NDUFAF6: variants seen among roughly 807,000 people sequenced by gnomAD.
NDUFAF6 encodes NADH:ubiquinone oxidoreductase complex assembly factor 6.
A neutral mutation model predicts 40.8 loss-of-function variants in NDUFAF6; 45 were observed. That is an observed-to-expected ratio of 1.10 (90% CI 0.87 to 1.42). The LOEUF (loss-of-function observed/expected upper bound fraction) is 1.42, where lower values mean the gene tolerates loss of function less well. Ranked by LOEUF, NDUFAF6 falls within the 40% of genes most tolerant of loss-of-function variation. The probability of loss-of-function intolerance (pLI) is 0.00; values close to 1 mark genes in which losing one functional copy is unlikely to be tolerated. For missense variants in NDUFAF6, 435 were observed against 418.5 expected, an observed-to-expected ratio of 1.04 and a Z score of -0.34; for synonymous variants, 185 against 155.9, an observed-to-expected ratio of 1.19 and a Z score of -1.39.
At chr8:94,976,412 G>T (rs1039767310) in intron 1 of NDUFAF6, among the ~76,000 whole-genome samples, 1 of 148,164 alleles carries the variant, frequency 6.7e-6, no homozygotes, top group Non-Finnish European at 1.5e-5. Context: ...GCTGAGTTAC[G>T]AGAATCACTT....
At chr8:94,963,634 A>G (rs1163800740) in intron 1 of NDUFAF6, among the ~76,000 whole-genome samples, 1 of 152,228 alleles carries the variant, frequency 6.6e-6, no homozygotes, top group African/African-American at 2.4e-5. Context: ...ACATCTAACT[A>G]GGTAATAGAG....
rs11294663 is a variant in NDUFAF6, at chr8:94,912,812, C to CA, written c.-936+16902dup. On this transcript the variant is annotated intron_variant, in intron 1 of 14. Transcript: ENST00000396113. ...TGGGCGACAGAGCAAGACTCCGTCT[C>CA]AAAAAAAAAAAAAAAAATTAGCTGG... Among the ~76,000 whole-genome samples, 551 of 118,102 alleles carry CA rather than the reference C, an allele frequency of 4.7e-3. 2 individuals are homozygous for CA. Among genetic ancestry groups the CA allele is most frequent in the African/African-American group, 0.016 (480 of 30,810 alleles). 77.5% of individuals were successfully genotyped at this position (118,102 alleles called of 152,430 possible).
chr8:95,063,962 C>T (rs931337153), intron 9 of NDUFAF6, among the ~76,000 whole-genome samples: 17 of 151,446 alleles, frequency 1.1e-4, no homozygotes, highest in African/African-American at 3.9e-4. Flanking sequence ...AGCTCTGCCT[C>T]CAGGGTTCAC....
chr8:94,971,922 GA>G (rs1824498002), intron 1 of NDUFAF6, among the ~76,000 whole-genome samples: 2 of 149,868 alleles, frequency 1.3e-5, no homozygotes, highest in African/African-American at 4.9e-5. Flanking sequence ...TGGGCAACAA[GA>G]GCGGAAAAAA....
chr8:95,105,066 CAG>C (rs55705930), downstream of NDUFAF6, among the ~76,000 whole-genome samples: 7,323 of 72,322 alleles, frequency 0.1, 313 homozygotes, highest in Non-Finnish European at 0.15. Context: ...CACACACACA[CAG>C]AGAGAGAGAG....
chr8:94,984,470 C>G (rs1336726469), intron 2 of NDUFAF6, among the ~76,000 whole-genome samples: 1 of 152,302 alleles, frequency 6.6e-6, no homozygotes, highest in African/African-American at 2.4e-5. Context: ...TGTAATATCA[C>G]TTTACTCAAA....
chr8:94,932,600 A>G (rs1820523895), intron 1 of NDUFAF6, among the ~76,000 whole-genome samples: 1 of 151,948 alleles, frequency 6.6e-6, no homozygotes, highest in Admixed American at 6.6e-5. Flanking sequence ...TCAGGAGATC[A>G]AGACCATCCT....
At chr8:95,037,092 C>T (rs1829592572) in intron 3 of NDUFAF6, among the ~76,000 whole-genome samples, 2 of 152,314 alleles carry the variant, frequency 1.3e-5, no homozygotes, top group South Asian at 2.1e-4. Flanking sequence ...TTTTAGGGTA[C>T]AAGATACTTG....
At chr8:94,993,409 CTCTT>C (rs905362809) in intron 2 of NDUFAF6, among the ~76,000 whole-genome samples, 1 of 152,224 alleles carries the variant, frequency 6.6e-6, no homozygotes, top group African/African-American at 2.4e-5. Flanking sequence ...GGGGTTTAAT[CTCTT>C]TCTTCACTTC....
chr8:94,897,624 G>GA (rs1398134491), intron 1 of NDUFAF6, among the ~76,000 whole-genome samples: 10 of 148,866 alleles, frequency 6.7e-5, no homozygotes, highest in Non-Finnish European at 1.5e-4. Context: ...TTTTCAGGAG[G>GA]AAAAAACCCC....
At chr8:95,054,093 T>C (rs28785859) in intron 8 of NDUFAF6, among the ~76,000 whole-genome samples, 4,594 of 151,580 alleles carry the variant, frequency 0.03, 238 homozygotes, top group African/African-American at 0.1. Context: ...CAGGCATGTA[T>C]CACCACACCC....
chr8:95,089,800 T>G (rs193029249), intron 2 of NDUFAF6, among the ~76,000 whole-genome samples: 1 of 152,320 alleles, frequency 6.6e-6, no homozygotes, highest in East Asian at 1.9e-4. Flanking sequence ...GGGCACAGAC[T>G]AACTTTATCT....
intron 2 of NDUFAF6, among the ~76,000 whole-genome samples, chr8:95,094,111 C>T (rs1045013688): frequency 2.6e-5 from 4 of 152,242 alleles, no homozygotes. Context: ...GCTGGGATTA[C>T]AGGCATGCAC....
chr8:94,939,509 C>A (rs1180869083), intron 1 of NDUFAF6, among the ~76,000 whole-genome samples: 2 of 152,220 alleles, frequency 1.3e-5, no homozygotes, highest in Non-Finnish European at 2.9e-5. Context: ...CATCCTCCCA[C>A]CTCAGCCTCC....
intron 4 of NDUFAF6, among the ~76,000 whole-genome samples, chr8:95,045,004 T>C (rs1830572572): frequency 6.6e-6 from 1 of 152,182 alleles, no homozygotes; most frequent in Non-Finnish European, 1.5e-5. Context: ...GGTTTCTGTT[T>C]TCTTTTTCTA....
intron 1 of NDUFAF6, among the ~76,000 whole-genome samples, chr8:94,907,570 C>T (rs1342673122): frequency 6.6e-6 from 1 of 152,152 alleles, no homozygotes; most frequent in Non-Finnish European, 1.5e-5. Context: ...TATACCCAAA[C>T]ATCTCACTCC....
intron 2 of NDUFAF6, among the ~76,000 whole-genome samples, chr8:95,081,703 AG>A (rs1431266092): frequency 6.6e-6 from 1 of 152,240 alleles, no homozygotes; most frequent in Non-Finnish European, 1.5e-5. Context: ...TAAAAAGAAA[AG>A]CATAATGTTT....
intron 1 of NDUFAF6, among the ~76,000 whole-genome samples, chr8:94,968,343 A>G (rs998012477): frequency 1.3e-5 from 2 of 152,238 alleles, no homozygotes; most frequent in African/African-American, 2.4e-5. Context: ...GAGACAGGCA[A>G]TAAACAAACG....
At chr8:94,989,429 G>C (rs916573131) in intron 2 of NDUFAF6, 3 of 152,182 alleles carry the variant, frequency 2.0e-5, no homozygotes, top group Non-Finnish European at 4.4e-5. Context: ...TTTCAAGTTG[G>C]TGAGAGTGTT....
Sources: gnomAD v4.1 joint callset for allele counts (sites outside exome capture counted in the v4.1 genomes callset) on GRCh38, gnomAD v4.1.1 for gene constraint, MANE v1.5 for transcripts, NCBI Gene and HGNC (gene_info 2026-07-23, HGNC 2026-07-21) for gene names.